Variants in CFAP54 observed in about 807,000 individuals in gnomAD.
CFAP54 encodes the protein cilia and flagella associated protein 54, also known as cilia- and flagella-associated protein 54.
Under a neutral mutation model 370.4 loss-of-function variants are expected in CFAP54, and 290 were observed. The ratio of observed to expected loss-of-function variants is 0.78; its 90% CI spans 0.71 to 0.86. The LOEUF (loss-of-function observed/expected upper bound fraction) is 0.86, where lower values mean the gene tolerates loss of function less well. Among genes scored for constraint, CFAP54 ranks in the 40% least tolerant of loss-of-function variants. The pLI is 0.00. For missense variants in CFAP54, 3,399 were observed against 3,528.7 expected (o/e 0.96, Z 0.93); for synonymous variants, 1,206 against 1,236.5 (o/e 0.98, Z 0.52).
chr12:96,796,048 G>A (rs1958758129), intron 63 of CFAP54, among the ~76,000 whole-genome samples: 1 of 152,184 alleles, frequency 6.6e-6, no homozygotes, highest in Admixed American at 6.5e-5. Flanking sequence ...CTTCTCCTGT[G>A]ATATGGACCC....
rs768490391 is a variant in CFAP54, at chr12:96,691,090, T to C, written c.6082-38T>C. 8 of 1,574,884 alleles carry C rather than the reference T, an allele frequency of 5.1e-6. No individual in the cohort carries two copies. In the South Asian group the frequency reaches 9.1e-5, roughly 18 times the overall value. ...TTTTGTTTCATTATTGAAAATGCTATCTATAGCTCTTTATATTTCACTTTT... is the reference window on the plus strand; with the variant it reads ...TTTTGTTTCATTATTGAAAATGCTACCTATAGCTCTTTATATTTCACTTTT... On this transcript the variant is annotated intron_variant, in intron 43 of 67. Transcript: ENST00000524981.
intron 23 of CFAP54, among the ~76,000 whole-genome samples, chr12:96,591,266 G>C (rs1458534341): frequency 6.6e-6 from 1 of 152,062 alleles, no homozygotes; most frequent in Non-Finnish European, 1.5e-5. Flanking sequence ...AGAAGAGTTG[G>C]CAATTAGCAG....
intron 60 of CFAP54, among the ~76,000 whole-genome samples, chr12:96,771,679 C>G (rs1237567444): frequency 1.3e-5 from 2 of 151,774 alleles, no homozygotes; most frequent in East Asian, 3.9e-4. Flanking sequence ...AAACAAAAAA[C>G]AACAAAAAAA....
chr12:96,859,879 T>C (rs1165870172), intron 66 of CFAP54, among the ~76,000 whole-genome samples: 1 of 152,212 alleles, frequency 6.6e-6, no homozygotes, highest in African/African-American at 2.4e-5. Flanking sequence ...CTGGAAACAT[T>C]GATTATATTA....
chr12:96,732,256 G>C, intron 50 of CFAP54, among the ~76,000 whole-genome samples: 1 of 152,100 alleles, frequency 6.6e-6, no homozygotes, highest in East Asian at 1.9e-4. Context: ...TTCCCGAGTA[G>C]CTGGGACTAC....
chr12:96,758,763 C>G (rs728279), intron 58 of CFAP54, among the ~76,000 whole-genome samples: 56,006 of 151,886 alleles, frequency 0.37, 10,632 homozygotes, highest in Middle Eastern at 0.44. Context: ...TGCTTCCAAA[C>G]TAAGATGTGG....
Position 96,534,081 on chromosome 12 carries a change from C to T in CFAP54, c.1559C>T (p.Ser520Leu). 2.6e-6 allele frequency: 4 copies of T among 1,526,538 alleles called. No individual in the cohort carries two copies. The Admixed American group carries it at 6.1e-5, about 23-fold the overall frequency. The allele number at this position is 1,526,538 out of a possible 1,614,324, so 94.6% of individuals were successfully genotyped here. Residue 520 changes from serine to leucine, a missense_variant, in exon 11 of 68, where the codon TCA becomes TTA. Ser to Leu is a moderately radical substitution (Grantham distance 145). This residue lies in a region of CFAP54 where 44 missense variants were observed against 82.3 expected (regional missense o/e 0.53). Coordinates refer to ENST00000524981, the MANE Select transcript of CFAP54 (RefSeq NM_001306084.2). ...CCCAAGAGGCAGGATGATCCAGAGT[C>T]AAAGAAAGCAGAGAAGGATTTAACT... ...YFLQRQDDPE[S>L]KKAEKDLTLL...
intron 1 of CFAP54, among the ~76,000 whole-genome samples, chr12:96,493,987 A>T (rs946556911): frequency 2.6e-5 from 4 of 152,214 alleles, no homozygotes; most frequent in African/African-American, 9.6e-5. Context: ...CTTAAAGAGA[A>T]TGTAGTGGGG....
chr12:96,593,186 T>A (rs1485527381), intron 24 of CFAP54, among the ~76,000 whole-genome samples: 1 of 152,204 alleles, frequency 6.6e-6, no homozygotes, highest in Non-Finnish European at 1.5e-5. Flanking sequence ...TGATAGATTC[T>A]CAGTGTGGTT....
intron 60 of CFAP54, among the ~76,000 whole-genome samples, chr12:96,780,234 G>A (rs1490287380): frequency 6.6e-6 from 1 of 151,982 alleles, no homozygotes; most frequent in Non-Finnish European, 1.5e-5. Context: ...TGCTTTTTGT[G>A]TTCAGTTTTA....
At chr12:96,568,145 CTT>C (rs931001695) in intron 19 of CFAP54, among the ~76,000 whole-genome samples, 17 of 126,638 alleles carry the variant, frequency 1.3e-4, no homozygotes, top group Non-Finnish European at 1.7e-4. Flanking sequence ...GTTCTATTTG[CTT>C]TTTTTTTTTT....
intron 2 of CFAP54, among the ~76,000 whole-genome samples, chr12:96,501,411 T>C (rs1246179719): frequency 1.3e-5 from 2 of 152,250 alleles, no homozygotes; most frequent in Non-Finnish European, 2.9e-5. Context: ...TTTTGCTGTA[T>C]GTAATTATAA....
intron 63 of CFAP54, among the ~76,000 whole-genome samples, chr12:96,810,042 G>A (rs769279236): frequency 4.6e-5 from 7 of 152,190 alleles, no homozygotes; most frequent in South Asian, 2.1e-4. Context: ...AAGTTCAGCC[G>A]GGAGAGAGGA....
chr12:96,554,378 G>A, intron 16 of CFAP54, 68 bp downstream of exon 16: 1 of 1,431,068 alleles, frequency 7.0e-7, no homozygotes, highest in South Asian at 1.6e-5. Flanking sequence ...GGCCTTGAAA[G>A]TAGGTAAGTA....
intron 23 of CFAP54, among the ~76,000 whole-genome samples, chr12:96,591,908 ATAT>A (rs1328521836): frequency 2.7e-5 from 3 of 111,974 alleles, no homozygotes; most frequent in Non-Finnish European, 4.3e-5. Flanking sequence ...AAAAAAAGAA[ATAT>A]TTTTTTTTTT....
intron 62 of CFAP54, among the ~76,000 whole-genome samples, chr12:96,790,054 G>A (rs573015533): frequency 2.0e-5 from 3 of 152,206 alleles, no homozygotes; most frequent in Admixed American, 2.0e-4. Flanking sequence ...AACAATCATT[G>A]CTCCGTGTTG....
At chr12:96,793,869 T>G (rs1958730504) in intron 63 of CFAP54, among the ~76,000 whole-genome samples, 1 of 150,982 alleles carries the variant, frequency 6.6e-6, no homozygotes, top group African/African-American at 2.4e-5. Context: ...TTGAGAATTG[T>G]CTATTCATGT....
intron 67 of CFAP54, among the ~76,000 whole-genome samples, chr12:96,862,562 G>A (rs1465268904): frequency 6.6e-6 from 1 of 151,982 alleles, no homozygotes; most frequent in Non-Finnish European, 1.5e-5. Flanking sequence ...TGGCCTCCAG[G>A]GCAGATAAGA....
At chr12:96,721,880 C>A (rs911780630) in intron 50 of CFAP54, among the ~76,000 whole-genome samples, 1 of 152,026 alleles carries the variant, frequency 6.6e-6, no homozygotes, top group African/African-American at 2.4e-5. Context: ...ATGATAAGTG[C>A]TATGGAGAAT....
Sources: allele counts gnomAD v4.1 joint callset (sites outside exome capture counted in the v4.1 genomes callset), GRCh38; gene constraint gnomAD v4.1.1; regional missense constraint gnomAD v4.1.1; transcripts MANE v1.5; gene names NCBI Gene and HGNC (gene_info 2026-07-23, HGNC 2026-07-21).